The following EYA4 variants were observed in gnomAD, a reference collection of about 807,000 sequenced individuals.
EYA4 encodes the protein protein phosphatase EYA4.
A neutral mutation model predicts 87.9 loss-of-function variants in EYA4; 31 were observed. The observed-to-expected ratio is 0.35, with a 90% CI of 0.27 to 0.48. The LOEUF (loss-of-function observed/expected upper bound fraction) is 0.48. Ranked by LOEUF, EYA4 falls within the 20% of genes least tolerant of loss-of-function variation. The pLI is 0.99. For missense variants in EYA4, 678 were observed against 761.4 expected, an observed-to-expected ratio of 0.89 and a Z score of 1.29; for synonymous variants, 263 against 270.6, an observed-to-expected ratio of 0.97 and a Z score of 0.28.
At chr6:133,413,185 CACAG>C (rs146961683) in intron 3 of EYA4, among the ~76,000 whole-genome samples, 8,308 of 152,216 alleles carry the variant, frequency 0.055, 671 homozygotes, top group African/African-American at 0.17. Context: ...TATTCTGTTT[CACAG>C]ACAACTCTCT....
intron 2 of EYA4, among the ~76,000 whole-genome samples, chr6:133,312,054 A>G (rs1184121127): frequency 6.6e-6 from 1 of 152,130 alleles, no homozygotes; most frequent in Admixed American, 6.6e-5. Flanking sequence ...TGAGATAGTC[A>G]TGACTGAGGT....
At chr6:133,341,980 A>T (rs1395857494) in intron 2 of EYA4, among the ~76,000 whole-genome samples, 1 of 152,168 alleles carries the variant, frequency 6.6e-6, no homozygotes, top group African/African-American at 2.4e-5. Context: ...ATTTGGTCTA[A>T]TGCTGCTGAA....
intron 2 of EYA4, among the ~76,000 whole-genome samples, chr6:133,281,886 C>T (rs1042092443): frequency 3.3e-5 from 5 of 151,450 alleles, no homozygotes; most frequent in Non-Finnish European, 5.9e-5. Flanking sequence ...TTTTTTTTTC[C>T]TGTGTTGATT....
At chr6:133,420,712 C>A (rs1246731283) in intron 3 of EYA4, among the ~76,000 whole-genome samples, 1 of 152,212 alleles carries the variant, frequency 6.6e-6, no homozygotes, top group Admixed American at 6.5e-5. Context: ...ATCAACTTTG[C>A]TAAACTTGTG....
At chr6:133,413,364 A>C (rs755067001) in intron 3 of EYA4, among the ~76,000 whole-genome samples, 78 of 151,200 alleles carry the variant, frequency 5.2e-4, no homozygotes, top group South Asian at 1.0e-3. Flanking sequence ...AATTCTCTCT[A>C]TATATATTCT....
intron 13 of EYA4, chr6:133,502,829 A>T (rs1269678035): frequency 6.6e-6 from 1 of 152,278 alleles, no homozygotes; most frequent in East Asian, 1.9e-4. Flanking sequence ...AGACTTTGGC[A>T]TGGCTGATGA....
At chr6:133,416,579 A>T (rs1001588871) in intron 3 of EYA4, among the ~76,000 whole-genome samples, 1 of 152,256 alleles carries the variant, frequency 6.6e-6, no homozygotes, top group African/African-American at 2.4e-5. Context: ...TGAGCTTCAG[A>T]TAGAATTTCA....
At chr6:133,312,538 A>G (rs1780310374) in intron 2 of EYA4, among the ~76,000 whole-genome samples, 1 of 152,228 alleles carries the variant, frequency 6.6e-6, no homozygotes, top group African/African-American at 2.4e-5. Context: ...GTCAAATGGA[A>G]TTGTAAAAAT....
At chr6:133,353,596 A>T (rs924280464) in intron 2 of EYA4, among the ~76,000 whole-genome samples, 1 of 152,164 alleles carries the variant, frequency 6.6e-6, no homozygotes, top group Admixed American at 6.5e-5. Context: ...GTTGAGATAA[A>T]CGTGAAAATT....
At chr6:133,468,236 T>C (rs1795016618) in intron 10 of EYA4, among the ~76,000 whole-genome samples, 1 of 152,078 alleles carries the variant, frequency 6.6e-6, no homozygotes. Flanking sequence ...TCCATCTCCT[T>C]CTTTCCTCTT....
At chr6:133,500,986 C>G (rs1288164119) in intron 13 of EYA4, among the ~76,000 whole-genome samples, 1 of 152,158 alleles carries the variant, frequency 6.6e-6, no homozygotes, top group African/African-American at 2.4e-5. Flanking sequence ...CAGTGGAGCA[C>G]TCTTGCATTC....
At chr6:133,396,340 T>C (rs1046336477) in intron 3 of EYA4, among the ~76,000 whole-genome samples, 2 of 152,224 alleles carry the variant, frequency 1.3e-5, no homozygotes, top group African/African-American at 4.8e-5. Flanking sequence ...TTTTCTATTA[T>C]TCTTCAAATA....
At chr6:133,374,336 A>G (rs1164375337) in intron 2 of EYA4, among the ~76,000 whole-genome samples, 1 of 151,980 alleles carries the variant, frequency 6.6e-6, no homozygotes, top group Non-Finnish European at 1.5e-5. Flanking sequence ...GATTTTGTCT[A>G]ACCTCCCTCC....
chr6:133,421,258 C>T (rs1790195754), intron 3 of EYA4, among the ~76,000 whole-genome samples: 1 of 152,164 alleles, frequency 6.6e-6, no homozygotes, highest in South Asian at 2.1e-4. Context: ...GCACCTGGAG[C>T]CACATTCCAG....
chr6:133,303,530 G>A (rs559615636), intron 2 of EYA4, among the ~76,000 whole-genome samples: 1 of 152,298 alleles, frequency 6.6e-6, no homozygotes, highest in East Asian at 1.9e-4. Flanking sequence ...TAGTGACTGT[G>A]ACTGGGCTCC....
At chr6:133,458,791 G>T (rs895938617) in intron 6 of EYA4, among the ~76,000 whole-genome samples, 1 of 152,086 alleles carries the variant, frequency 6.6e-6, no homozygotes, top group Non-Finnish European at 1.5e-5. Context: ...TAATGAGAAT[G>T]AAACCTTAAA....
At chr6:133,378,702 A>G (rs920134679) in intron 2 of EYA4, among the ~76,000 whole-genome samples, 2 of 152,070 alleles carry the variant, frequency 1.3e-5, no homozygotes, top group African/African-American at 2.4e-5. Flanking sequence ...TTTAGCTGTT[A>G]TTCACCCATT....
chr6:133,385,738 A>G (rs159412), intron 3 of EYA4, among the ~76,000 whole-genome samples: 10,554 of 152,204 alleles, frequency 0.069, 542 homozygotes, highest in Non-Finnish European at 0.11. Context: ...GGAGACTTTG[A>G]CAAGAGAATT....
intron 1 of EYA4, among the ~76,000 whole-genome samples, chr6:133,252,131 G>A (rs1180265379): frequency 1.3e-5 from 2 of 152,194 alleles, no homozygotes; most frequent in African/African-American, 4.8e-5. Context: ...TTATTTGTCA[G>A]TAGATAGTTT....
Sources: allele counts gnomAD v4.1 joint callset (sites outside exome capture counted in the v4.1 genomes callset), GRCh38; gene constraint gnomAD v4.1.1; transcripts MANE v1.5; gene names NCBI Gene and HGNC (gene_info 2026-07-23, HGNC 2026-07-21).